Variants in FAM20B observed in about 807,000 individuals in gnomAD.
The protein encoded by FAM20B is FAM20B glycosaminoglycan xylosylkinase, also known as glycosaminoglycan xylosylkinase.
In FAM20B, 23 loss-of-function variants were observed where a neutral mutation model predicts 43.8. The ratio of observed to expected loss-of-function variants is 0.53; its 90% CI spans 0.38 to 0.74. The LOEUF (loss-of-function observed/expected upper bound fraction) is 0.74. Ranked by LOEUF, FAM20B falls within the 30% of genes least tolerant of loss-of-function variation. The pLI is 0.00. For missense variants in FAM20B, 440 were observed against 510.5 expected (o/e 0.86, Z 1.33); for synonymous variants, 178 against 192.4 (o/e 0.93, Z 0.62).
At chr1:179,035,550 G>A (rs1277409567) in intron 1 of FAM20B, 3 of 648,878 alleles carry the variant, frequency 4.6e-6, no homozygotes, top group South Asian at 2.9e-5. Flanking sequence ...TTTCTTAATG[G>A]CCTTGTCCTT....
At chr1:179,041,526 T>C (rs920919545) in intron 1 of FAM20B, among the ~76,000 whole-genome samples, 2 of 151,452 alleles carry the variant, frequency 1.3e-5, no homozygotes, top group Non-Finnish European at 2.9e-5. Context: ...TGTGGCAGGC[T>C]GAGGCAGGAG....
Position 179,072,359 on chromosome 1 carries a change from C to T in FAM20B, c.*215C>T. On this transcript the variant is annotated 3_prime_UTR_variant, in exon 8 of 8. Coordinates refer to ENST00000263733, the MANE Select transcript of FAM20B (RefSeq NM_014864.4). ...AGACATTCCTGCTGAATCGCCTTCT[C>T]ACCTCCTCGGCAATTGCTCATTCTA... 1.8e-6 allele frequency: 1 copy of T among 556,482 alleles called. No individual in the cohort carries two copies. 34.5% of individuals were successfully genotyped at this position (556,482 alleles called of 1,614,324 possible).
chr1:179,038,821 T>TCA (rs1650358397), intron 1 of FAM20B, among the ~76,000 whole-genome samples: 6 of 152,224 alleles, frequency 3.9e-5, no homozygotes, highest in Admixed American at 3.9e-4. Context: ...AATAGTGTTG[T>TCA]GTACCCTGGG....
At position 179,074,041 on chromosome 1, in the gene FAM20B, A is replaced by C. The variant is rs745411624; in HGVS notation, c.*1897A>C. ...AGCCATTGGAAACTAGTTTTAGGCAACCACTCTCAAAAACAGCTTTAGAAT... is the reference window on the plus strand; with the variant it reads ...AGCCATTGGAAACTAGTTTTAGGCACCCACTCTCAAAAACAGCTTTAGAAT... On this transcript the variant is annotated 3_prime_UTR_variant, in exon 8 of 8. Coordinates refer to ENST00000263733, the MANE Select transcript of FAM20B (RefSeq NM_014864.4). 6.6e-6 allele frequency: 1 copy of C among 152,610 alleles called. No individual in the cohort carries two copies. Among genetic ancestry groups the C allele is most frequent in the African/African-American group, 2.4e-5 (1 of 41,478 alleles). 9.5% of individuals were successfully genotyped at this position (152,610 alleles called of 1,614,324 possible). A position where few individuals can be genotyped will look rare whatever the true frequency, so the allele number is the denominator to read the frequency against.
chr1:179,036,060 T>C (rs1262205986), intron 1 of FAM20B, among the ~76,000 whole-genome samples: 2 of 151,842 alleles, frequency 1.3e-5, no homozygotes, highest in African/African-American at 4.8e-5. Context: ...AATCCAGGAG[T>C]TGGAGGTTGC....
chr1:179,025,700 G>C (rs1490297668), upstream of FAM20B: 1 of 152,210 alleles, frequency 6.6e-6, no homozygotes, highest in African/African-American at 2.4e-5. Context: ...GCAGGAGACC[G>C]GCGCCGGCGC....
At chr1:179,019,459 G>GT in the FAM20B span, among the ~76,000 whole-genome samples, 2 of 145,254 alleles carry the variant, frequency 1.4e-5, no homozygotes, top group African/African-American at 5.3e-5. Flanking sequence ...TTTTTTGTTT[G>GT]TTTGTTTCTT....
In FAM20B at chr1:179,032,998, CG is replaced by C. The variant is rs1650073718; in HGVS notation, c.-134+6904del. On this transcript the variant is annotated intron_variant, in intron 1 of 7. Coordinates refer to ENST00000263733, the MANE Select transcript of FAM20B (RefSeq NM_014864.4). ...AGTAGAGACATTTATTTCTAGGGAA[CG>C]GGGTGTAAACTCATAACAGTTAATA... is the stretch of plus-strand genomic sequence containing the variant. Among the ~76,000 whole-genome samples, 12 of 152,262 alleles carry C rather than the reference CG, an allele frequency of 7.9e-5. No individual in the cohort carries two copies. In the South Asian group the frequency reaches 2.5e-3, roughly 32 times the overall value.
At chr1:179,017,358 A>G in the FAM20B span, among the ~76,000 whole-genome samples, 1 of 152,226 alleles carries the variant, frequency 6.6e-6, no homozygotes, top group East Asian at 1.9e-4. Context: ...TCAACTCAGA[A>G]GGAGAATGTT....
Position 179,064,443 on chromosome 1 carries a change from C to T in FAM20B, c.885C>T (p.Ser295=). The change falls in exon 6 of 8, where the codon AGC becomes AGT. Residue 295 remains serine (S), a synonymous_variant. Coordinates refer to ENST00000263733, the MANE Select transcript of FAM20B (RefSeq NM_014864.4). ...ATGCTGACCGCCATCACTATGAGAG[C>T]TTTCAAGATGATGAAGGCGCTAGTA... is the stretch of plus-strand genomic sequence containing the variant. ...IGNADRHHYE[S]FQDDEGASML... 6.2e-7 allele frequency: 1 copy of T among 1,614,170 alleles called. No homozygotes were observed. Among genetic ancestry groups the T allele is most frequent in the Non-Finnish European group, 8.5e-7 (1 of 1,180,022 alleles).
chr1:179,053,952 C>T (rs1651111575), intron 3 of FAM20B, among the ~76,000 whole-genome samples: 2 of 152,116 alleles, frequency 1.3e-5, no homozygotes, highest in Non-Finnish European at 2.9e-5. Context: ...AAATTCTGCC[C>T]CTCCAACTTT....
At chr1:179,041,439 C>T (rs369309049) in intron 1 of FAM20B, among the ~76,000 whole-genome samples, 10 of 152,186 alleles carry the variant, frequency 6.6e-5, no homozygotes, top group East Asian at 1.9e-4. Flanking sequence ...GGATCACTCG[C>T]GGTTAGGAGC....
intron 3 of FAM20B, among the ~76,000 whole-genome samples, chr1:179,050,617 A>G (rs1462547230): frequency 6.6e-6 from 1 of 152,202 alleles, no homozygotes; most frequent in Non-Finnish European, 1.5e-5. Flanking sequence ...TATTATCATC[A>G]GTGAAGATAT....
chr1:179,045,899 A>G (rs1650746147), intron 2 of FAM20B, among the ~76,000 whole-genome samples: 1 of 151,948 alleles, frequency 6.6e-6, no homozygotes, highest in African/African-American at 2.4e-5. Context: ...TCTCAAAAAA[A>G]AAAACCAAAA....
At chr1:179,035,631 T>C in intron 1 of FAM20B, 2 of 462,262 alleles carry the variant, frequency 4.3e-6, no homozygotes, top group Non-Finnish European at 8.0e-6. Context: ...ACATGACTTT[T>C]GTTCCTTCTT....
intron 1 of FAM20B, among the ~76,000 whole-genome samples, chr1:179,041,706 GGAGA>G: frequency 7.8e-6 from 1 of 128,642 alleles, no homozygotes; most frequent in Admixed American, 7.3e-5. Context: ...AGACGGGGAG[GGAGA>G]CAGGAGACGG....
the FAM20B span, among the ~76,000 whole-genome samples, chr1:179,020,569 G>A: frequency 6.6e-5 from 10 of 152,152 alleles, no homozygotes; most frequent in Non-Finnish European, 1.5e-4. Context: ...AATTGTCCAT[G>A]TTCAACTTTG....
upstream of FAM20B, among the ~76,000 whole-genome samples, chr1:179,022,198 A>G (rs1649614580): frequency 6.6e-6 from 1 of 152,248 alleles, no homozygotes; most frequent in Non-Finnish European, 1.5e-5. Context: ...GTCCACAGAC[A>G]GCCCAATGCA....
chr1:179,041,660 AT>A (rs1379898065), intron 1 of FAM20B, among the ~76,000 whole-genome samples: 15 of 119,326 alleles, frequency 1.3e-4, no homozygotes, highest in African/African-American at 5.6e-4. Context: ...GAGACGGGAG[AT>A]GGGAGACAGG....
Sources: gnomAD v4.1 joint callset for allele counts (sites outside exome capture counted in the v4.1 genomes callset) on GRCh38, gnomAD v4.1.1 for gene constraint, MANE v1.5 for transcripts, NCBI Gene and HGNC (gene_info 2026-07-23, HGNC 2026-07-21) for gene names.